The following TNXB variants were observed in gnomAD, a reference collection of about 807,000 sequenced individuals.
TNXB encodes tenascin XB.
TNXB carries 183 observed loss-of-function variants against 340.5 expected under a neutral mutation model. That is an observed-to-expected ratio of 0.54 (90% CI 0.48 to 0.61). The LOEUF is 0.61. TNXB is among the 20% of genes least tolerant of loss of function. The pLI, the probability that TNXB is intolerant of heterozygous loss-of-function variation, is 0.00. For synonymous variants in TNXB, 2,121 were observed against 2,314.5 expected (o/e 0.92, Z 2.40); for missense variants, 4,613 against 5,446.4 (o/e 0.85, Z 4.82).
intron 6 of TNXB, among the ~76,000 whole-genome samples, chr6:32,088,084 G>C (rs2127270890): frequency 6.6e-6 from 1 of 152,262 alleles, no homozygotes; most frequent in African/African-American, 2.4e-5. Context: ...CCTCCCACCA[G>C]AGCCAGAGGC....
chr6:32,088,979 C>T lies in TNXB; in HGVS notation c.2585G>A (p.Arg862His), dbSNP rs552641745. ...AAATCGGTCCACCTCAGCCTGGGGA[C>T]GCAGCCAGCCAAGCTCCAGTGTTGT... ...TPTTLELGWLRPQAEVDRFVV... is the reference protein window; with the variant it reads ...TPTTLELGWLHPQAEVDRFVV... The change falls in exon 6 of 44, where the codon CGT becomes CAT. Residue 862 changes from arginine to histidine, a missense_variant. Arg to His is a conservative substitution (Grantham distance 29, BLOSUM62 0). Transcript: ENST00000644971. 31 of 1,610,888 alleles carry T rather than the reference C, an allele frequency of 1.9e-5. No individual in the cohort carries two copies. Among genetic ancestry groups the T allele is most frequent in the Middle Eastern group, 1.7e-4 (1 of 6,060 alleles).
Position 32,089,236 on chromosome 6 carries a change from C to A in TNXB, c.2502G>T (p.Lys834Asn). The A allele has an allele frequency of 6.2e-7, 1 of 1,603,250 alleles. No individual in the cohort carries two copies. The highest frequency in any genetic ancestry group is 8.5e-7 in the Non-Finnish European group (1 of 1,175,400). The change falls in exon 5 of 44, where the codon AAG becomes AAT. Residue 834 changes from lysine (K) to asparagine (N), a missense_variant. Lys to Asn is a moderately conservative substitution (Grantham distance 94, BLOSUM62 0). Coordinates refer to ENST00000644971, the MANE Select transcript of TNXB (RefSeq NM_001365276.2). The surrounding 1 kb of genome is among the most constrained non-coding windows in gnomAD (Gnocchi z 6.2). ...CCCAGCTCTCACTGGTGGTGATGGT[C>A]TTGGAGGCAGGAAGGCCCCAGCTGG... ...RGTSWGLPAS[K>N]TITTMIDGPQ...
In TNXB at chr6:32,049,245, G is replaced by C; in HGVS notation, c.9757+25C>G. The C allele has an allele frequency of 6.3e-7, 1 of 1,598,538 alleles. No homozygotes were observed. Among genetic ancestry groups the C allele is most frequent in the Non-Finnish European group, 8.5e-7 (1 of 1,170,762 alleles). ...AGGGGGCTGCAGAGGTAAACCTGGGGACGAGGGCCTGTCCCCCCACTCACC... is the reference window on the plus strand; with the variant it reads ...AGGGGGCTGCAGAGGTAAACCTGGGCACGAGGGCCTGTCCCCCCACTCACC... On this transcript the variant is annotated intron_variant, in intron 28 of 43. Coordinates refer to ENST00000644971, the MANE Select transcript of TNXB (RefSeq NM_001365276.2). This position sits in a 1 kb window ranked among gnomAD's most constrained non-coding sequence, Gnocchi z 4.5.
chr6:32,105,075 C>A (rs1780912589), intron 1 of TNXB, among the ~76,000 whole-genome samples: 1 of 152,176 alleles, frequency 6.6e-6, no homozygotes, highest in Non-Finnish European at 1.5e-5. Flanking sequence ...CATCATGTAT[C>A]CCCTGCTCCC....
chr6:32,084,709 T>G lies in TNXB; in HGVS notation c.3149A>C (p.Asp1050Ala). Residue 1050 changes from aspartate to alanine, a missense_variant and splice_region_variant, in exon 8 of 44, where the codon GAC becomes GCC. Transcript: ENST00000644971. This position sits in a 1 kb window ranked among gnomAD's most constrained non-coding sequence, Gnocchi z 5.5. ...CTTCCCAGGCTTCTCCTCATCCTTG[T>G]CTGGAGTTTGAGAGGCAAAAGCAAA... ...SDPIIYQGIM[D>A]KDEEKPGKSS... 2 of 1,558,644 alleles carry G rather than the reference T, an allele frequency of 1.3e-6. No homozygotes were observed. Among genetic ancestry groups the G allele is most frequent in the Non-Finnish European group, 1.7e-6 (2 of 1,149,418 alleles).
rs1275438139 is a variant in TNXB, at chr6:32,082,952, C to G, written c.3446-626G>C. On this transcript the variant is annotated intron_variant, in intron 8 of 43. Coordinates refer to ENST00000644971, the MANE Select transcript of TNXB (RefSeq NM_001365276.2). This position sits in a 1 kb window ranked among gnomAD's most constrained non-coding sequence, Gnocchi z 5.0. ...CTCTGTGTGCATCTCTCTCTAGCCT[C>G]CATCTTCCCTCTTTGCTCTCATTCC... 6.6e-6 allele frequency among the ~76,000 whole-genome samples: 1 copy of G among 152,180 alleles called. No homozygotes were observed. The highest frequency in any genetic ancestry group is 1.5e-5 in the Non-Finnish European group (1 of 68,042).
chr6:32,103,440 A>AT (rs1780824055), intron 1 of TNXB, among the ~76,000 whole-genome samples: 1 of 151,438 alleles, frequency 6.6e-6, no homozygotes, highest in African/African-American at 2.4e-5. Flanking sequence ...AAAAAAAAAA[A>AT]AAAATGAAAC....
Position 32,084,537 on chromosome 6 carries a change from G to C in TNXB, c.3321C>G (p.Pro1107=). The C allele has an allele frequency of 6.2e-7, 1 of 1,608,726 alleles. No individual in the cohort carries two copies. The highest frequency in any genetic ancestry group is 8.5e-7 in the Non-Finnish European group (1 of 1,178,662). The change falls in exon 8 of 44, where the codon CCC becomes CCG. Residue 1107 remains proline (P), a synonymous_variant. Transcript: ENST00000644971. The surrounding 1 kb of genome is among the most constrained non-coding windows in gnomAD (Gnocchi z 5.5). ...CGGCCGAGCGCTGGGGTCCTTCCACGGGCACCACCTGGGGCTGCCCGTCCC... is the reference window on the plus strand; with the variant it reads ...CGGCCGAGCGCTGGGGTCCTTCCACCGGCACCACCTGGGGCTGCCCGTCCC... ...KDRDGQPQVV[P]VEGPQRSAVI...
In TNXB at chr6:32,069,596, G is replaced by T; in HGVS notation, c.5544C>A (p.His1848Gln). The stretch of plus-strand genomic sequence containing the variant: ...AGATGGGGCCCACACGCTTGCCGTG[G>T]TGCAGCCCGTAGAGCAGCAGCTTGT... ...HRYKLLLYGL[H>Q]HGKRVGPISA... The change falls in exon 15 of 44, where the codon CAC (histidine) becomes CAA (glutamine). Residue 1848 changes from histidine to glutamine, a missense_variant. By Grantham distance (24) the His-to-Gln change is conservative. Around this residue, in one of 7 missense-constraint regions of TNXB, gnomAD observed 4,327 missense variants for 4,859.4 expected, o/e 0.89. Coordinates refer to ENST00000644971, the MANE Select transcript of TNXB (RefSeq NM_001365276.2). This position sits in a 1 kb window ranked among gnomAD's most constrained non-coding sequence, Gnocchi z 6.2. 6.3e-7 allele frequency: 1 copy of T among 1,598,748 alleles called. No homozygotes were observed. Among genetic ancestry groups the T allele is most frequent in the Non-Finnish European group, 8.5e-7 (1 of 1,170,152 alleles).
chr6:32,052,893 G>A lies in TNXB; in HGVS notation c.8892C>T (p.Ser2964=). Residue 2964 remains serine, a synonymous_variant, in exon 26 of 44, where the codon TCC becomes TCT. Coordinates refer to ENST00000644971, the MANE Select transcript of TNXB (RefSeq NM_001365276.2). This position sits in a 1 kb window ranked among gnomAD's most constrained non-coding sequence, Gnocchi z 4.7. ...TCCAGGAGAGGCTCAGCGAGTCAGGGGAGGATCCTGTCACTGTCAGCTCCC... is the reference window on the plus strand; with the variant it reads ...TCCAGGAGAGGCTCAGCGAGTCAGGAGAGGATCCTGTCACTGTCAGCTCCC... The part of the protein sequence containing the change: ...LLGELTVTGS[S]PDSLSLSWTI... 6.2e-7 allele frequency: 1 copy of A among 1,612,948 alleles called. No individual in the cohort carries two copies. The highest frequency in any genetic ancestry group is 1.1e-5 in the South Asian group (1 of 91,074).
At position 32,084,795 on chromosome 6, in the gene TNXB, C is replaced by T; in HGVS notation, c.3149-86G>A. On this transcript the variant is annotated intron_variant, in intron 7 of 43. Transcript: ENST00000644971. The surrounding 1 kb of genome is among the most constrained non-coding windows in gnomAD (Gnocchi z 5.5). ...CCTTCCCTCTCCCCTGCCCACCTCA[C>T]TCCATCCTGGATAGATCCCTCCCCG... is the stretch of plus-strand genomic sequence containing the variant. The T allele has an allele frequency of 7.7e-7, 1 of 1,296,202 alleles. No individual in the cohort carries two copies. The allele number at this position is 1,296,202 out of a possible 1,614,324, so 80.3% of individuals were successfully genotyped here.
In TNXB at chr6:32,050,238, T is replaced by C. The variant is rs1198769077; in HGVS notation, c.9199A>G (p.Thr3067Ala). ...PPIKPRLGELTVTDATPDSLS... is the reference protein window; with the variant it reads ...PPIKPRLGELAVTDATPDSLS... ...GAGTCGGGGGTGGCATCTGTCACGGTCAGCTCCCCCAGGCGAGGCTTGATG... is the reference window on the plus strand; with the variant it reads ...GAGTCGGGGGTGGCATCTGTCACGGCCAGCTCCCCCAGGCGAGGCTTGATG... Residue 3067 changes from threonine (T) to alanine (A), a missense_variant, in exon 27 of 44, where the codon ACC becomes GCC. By Grantham distance (58) the Thr-to-Ala change is moderately conservative. Around this residue, in one of 7 missense-constraint regions of TNXB, gnomAD observed 4,327 missense variants for 4,859.4 expected, o/e 0.89. Transcript: ENST00000644971. 1 of 1,613,576 alleles carries C rather than the reference T, an allele frequency of 6.2e-7. No homozygotes were observed. The highest frequency in any genetic ancestry group is 8.5e-7 in the Non-Finnish European group (1 of 1,179,840).
rs772454700 is a variant in TNXB, at chr6:32,072,022, C to G, written c.4958G>C (p.Arg1653Pro). 11 of 1,607,768 alleles carry G rather than the reference C, an allele frequency of 6.8e-6. No homozygotes were observed. The highest frequency in any genetic ancestry group is 3.3e-4 in the Middle Eastern group (2 of 6,076). ...FLLFGIQDGK[R>P]RSPVSVEAKT... is the part of the protein sequence containing the mutation. ...TGCCTCCACAGAGACTGGGCTGCGT[C>G]GTTTCCCATCCTGGATCCCAAAGAG... is the stretch of plus-strand genomic sequence containing the variant. The change falls in exon 13 of 44, where the codon CGA (arginine) becomes CCA (proline). Residue 1653 changes from arginine to proline, a missense_variant. Arg to Pro is a moderately radical substitution (Grantham distance 103). Coordinates refer to ENST00000644971, the MANE Select transcript of TNXB (RefSeq NM_001365276.2). The surrounding 1 kb of genome is among the most constrained non-coding windows in gnomAD (Gnocchi z 4.4).
At position 32,068,070 on chromosome 6, in the gene TNXB, C is replaced by A; in HGVS notation, c.6221-86G>T. 1 of 1,520,692 alleles carries A rather than the reference C, an allele frequency of 6.6e-7. No homozygotes were observed. The highest frequency in any genetic ancestry group is 1.3e-5 in the South Asian group (1 of 78,886). 94.2% of individuals were successfully genotyped at this position (1,520,692 alleles called of 1,614,324 possible). A position where few individuals can be genotyped will look rare whatever the true frequency, so the allele number is the denominator to read the frequency against. ...AAGCCAAGGCTATGACTGGGGGACC[C>A]GAGGTCAGTTCAGAGAGGCCTACTC... On this transcript the variant is annotated intron_variant, in intron 17 of 43. Coordinates refer to ENST00000644971, the MANE Select transcript of TNXB (RefSeq NM_001365276.2). This position sits in a 1 kb window ranked among gnomAD's most constrained non-coding sequence, Gnocchi z 5.3.
At chr6:32,053,299 A>G in intron 25 of TNXB, 89 bp downstream of exon 25, 3 of 1,528,554 alleles carry the variant, frequency 2.0e-6, no homozygotes, top group Non-Finnish European at 1.8e-6. Flanking sequence ...AGCCAAGAGC[A>G]GAGGGGCTTC....
At chr6:32,094,693 A>G (rs1381276262) in intron 4 of TNXB, among the ~76,000 whole-genome samples, 1 of 152,242 alleles carries the variant, frequency 6.6e-6, no homozygotes, top group Admixed American at 6.5e-5. Context: ...CCTGTGGTGT[A>G]GGACACAGGG....
Position 32,068,581 on chromosome 6 carries a change from G to A in TNXB, c.6029C>T (p.Pro2010Leu). ...PDSLSLSWTV[P>L]EGQFDHFLVQ... ...CAGGAAGTGGTCAAACTGTCCCTCG[G>A]GAACTGTCCAGGACAGGCTGAGGGA... is the stretch of plus-strand genomic sequence containing the variant. The change falls in exon 17 of 44, where the codon CCC (proline) becomes CTC (leucine). Residue 2010 changes from proline (P) to leucine (L), a missense_variant. Physicochemically the swap from Pro to Leu is moderately conservative, Grantham distance 98. Around this residue, in one of 7 missense-constraint regions of TNXB, gnomAD observed 4,327 missense variants for 4,859.4 expected, o/e 0.89. Coordinates refer to ENST00000644971, the MANE Select transcript of TNXB (RefSeq NM_001365276.2). This position sits in a 1 kb window ranked among gnomAD's most constrained non-coding sequence, Gnocchi z 5.3. 6.2e-7 allele frequency: 1 copy of A among 1,613,988 alleles called. No homozygotes were observed. The highest frequency in any genetic ancestry group is 8.5e-7 in the Non-Finnish European group (1 of 1,179,908).
intron 29 of TNXB, 126 bp downstream of exon 29, chr6:32,048,236 GT>G: frequency 8.5e-7 from 1 of 1,170,216 alleles, no homozygotes; most frequent in Non-Finnish European, 1.2e-6. Flanking sequence ...CAGGGCCTGG[GT>G]TTTCCTGGAC....
rs1487214702 is a variant in TNXB at position 32,058,069 on chromosome 6, A to T, written c.7814T>A (p.Val2605Glu). 2 of 1,608,344 alleles carry T rather than the reference A, an allele frequency of 1.2e-6. No homozygotes were observed. Among genetic ancestry groups the T allele is most frequent in the Non-Finnish European group, 8.5e-7 (1 of 1,177,108 alleles). ...EGRRLGPVSAVGVTEDEAETT... is the reference protein window; with the variant it reads ...EGRRLGPVSAEGVTEDEAETT... The stretch of plus-strand genomic sequence containing the variant: ...CCACACTCACTCACCTGTGACGCCC[A>T]CGGCAGACACCGGGCCCAGGCGCCG... The change falls in exon 22 of 44, where the codon GTG (valine) becomes GAG (glutamate). Residue 2605 changes from valine to glutamate, a missense_variant. Val to Glu is a moderately radical substitution (Grantham distance 121). Around this residue, in one of 7 missense-constraint regions of TNXB, gnomAD observed 4,327 missense variants for 4,859.4 expected, o/e 0.89. Transcript: ENST00000644971. The surrounding 1 kb of genome is among the most constrained non-coding windows in gnomAD (Gnocchi z 5.1).
Sources: allele counts gnomAD v4.1 joint callset (sites outside exome capture counted in the v4.1 genomes callset), GRCh38; gene constraint gnomAD v4.1.1; regional missense constraint gnomAD v4.1.1; non-coding constraint Gnocchi (gnomAD v3.1); transcripts MANE v1.5; gene names NCBI Gene and HGNC (gene_info 2026-07-23, HGNC 2026-07-21).